ADD3: variants seen among roughly 807,000 people sequenced by gnomAD.
ADD3 encodes the protein adducin 3, also known as gamma-adducin.
A neutral mutation model predicts 80.2 loss-of-function variants in ADD3; 25 were observed. That is an observed-to-expected ratio of 0.31 (90% confidence interval 0.23 to 0.44). The LOEUF is 0.44. ADD3 is among the 20% of genes least tolerant of loss of function. ADD3 has a pLI of 1.00. For synonymous variants in ADD3, 284 were observed against 289.6 expected (o/e 0.98, Z 0.20); for missense variants, 829 against 847.5 (o/e 0.98, Z 0.27).
chr10:110,000,755 G>A (rs574790903), intron 1 of ADD3, among the ~76,000 whole-genome samples: 13 of 152,202 alleles, frequency 8.5e-5, no homozygotes, highest in African/African-American at 3.1e-4. Context: ...TTGATATCCT[G>A]GGCAAGTTAC....
At chr10:110,124,669 A>G (rs1249284400) in intron 10 of ADD3, among the ~76,000 whole-genome samples, 4 of 152,196 alleles carry the variant, frequency 2.6e-5, no homozygotes, top group African/African-American at 9.7e-5. Context: ...TTAAAACTGT[A>G]AAAGTTATCA....
At chr10:109,997,597 A>G (rs1365505694) in intron 1 of ADD3, 2 of 152,350 alleles carry the variant, frequency 1.3e-5, no homozygotes, top group Middle Eastern at 3.4e-3. Flanking sequence ...ACGAGACAGA[A>G]GGGACTCTAG....
chr10:110,024,769 AACTT>A (rs1336541067), intron 1 of ADD3, among the ~76,000 whole-genome samples: 9 of 152,326 alleles, frequency 5.9e-5, no homozygotes, highest in East Asian at 1.9e-4. Context: ...TTCAAAGTTA[AACTT>A]ACTATTTGAA....
chr10:110,008,847 C>G (rs151047616), intron 1 of ADD3, among the ~76,000 whole-genome samples: 2 of 152,154 alleles, frequency 1.3e-5, no homozygotes, highest in South Asian at 2.1e-4. Flanking sequence ...TCCCCACCCC[C>G]CAACACAGAC....
intron 1 of ADD3, among the ~76,000 whole-genome samples, chr10:110,092,817 A>G (rs547761437): frequency 6.6e-6 from 1 of 151,868 alleles, no homozygotes; most frequent in African/African-American, 2.4e-5. Flanking sequence ...TCTTATCTAT[A>G]AAGTTGGGGA....
At chr10:110,083,414 G>A (rs1356573568) in intron 1 of ADD3, among the ~76,000 whole-genome samples, 3 of 152,100 alleles carry the variant, frequency 2.0e-5, no homozygotes, top group African/African-American at 7.2e-5. Flanking sequence ...TACTCGGGAG[G>A]CTGAGGCAGG....
chr10:110,013,709 T>A (rs1057282674), intron 1 of ADD3, among the ~76,000 whole-genome samples: 6 of 152,226 alleles, frequency 3.9e-5, no homozygotes, highest in Admixed American at 3.9e-4. Flanking sequence ...AATTTATTCT[T>A]GTGATTTCTT....
intron 1 of ADD3, among the ~76,000 whole-genome samples, chr10:110,093,509 A>G (rs370004759): frequency 1.4e-4 from 22 of 152,212 alleles, no homozygotes; most frequent in African/African-American, 5.3e-4. Flanking sequence ...TTTTGTTAAT[A>G]GCTTCTAATT....
chr10:110,095,447 T>C (rs1323022406), intron 1 of ADD3, among the ~76,000 whole-genome samples: 1 of 152,252 alleles, frequency 6.6e-6, no homozygotes, highest in Non-Finnish European at 1.5e-5. Flanking sequence ...AAACATTTCA[T>C]ATAAATGGAG....
At chr10:110,120,187 TA>T (rs1413531489) in intron 8 of ADD3, among the ~76,000 whole-genome samples, 2 of 149,576 alleles carry the variant, frequency 1.3e-5, no homozygotes, top group East Asian at 4.0e-4. Flanking sequence ...ACTCGTCATC[TA>T]GCATTAGGTA....
At chr10:110,086,741 T>C (rs1478932479) in intron 1 of ADD3, among the ~76,000 whole-genome samples, 1 of 152,210 alleles carries the variant, frequency 6.6e-6, no homozygotes, top group Non-Finnish European at 1.5e-5. Flanking sequence ...GCTTCCTGTA[T>C]AGCCTGTGGA....
intron 1 of ADD3, among the ~76,000 whole-genome samples, chr10:110,096,338 C>T (rs773398303): frequency 3.9e-5 from 6 of 152,078 alleles, no homozygotes; most frequent in Non-Finnish European, 8.8e-5. Context: ...TCCTCACTGC[C>T]TTGTCAGCCT....
At chr10:110,028,717 A>T (rs1202180724) in intron 1 of ADD3, among the ~76,000 whole-genome samples, 1 of 152,176 alleles carries the variant, frequency 6.6e-6, no homozygotes, top group African/African-American at 2.4e-5. Flanking sequence ...AATCATTCAT[A>T]CTCTGCATTG....
chr10:110,049,507 C>T (rs185109369), intron 1 of ADD3, among the ~76,000 whole-genome samples: 1 of 152,322 alleles, frequency 6.6e-6, no homozygotes, highest in Non-Finnish European at 1.5e-5. Context: ...GGCGGAGCTG[C>T]TCAAGATCAT....
chr10:110,102,327 C>G (rs539811147), intron 2 of ADD3, among the ~76,000 whole-genome samples: 1 of 152,072 alleles, frequency 6.6e-6, no homozygotes, highest in Non-Finnish European at 1.5e-5. Context: ...CTTACTAGAT[C>G]GGAAATGGTG....
intron 1 of ADD3, among the ~76,000 whole-genome samples, chr10:110,011,878 A>G (rs1212628820): frequency 2.0e-5 from 3 of 152,222 alleles, no homozygotes; most frequent in Non-Finnish European, 4.4e-5. Flanking sequence ...AGGTTCTGCC[A>G]GAGATTCAGT....
chr10:110,105,209 T>C (rs1345264375), intron 2 of ADD3, among the ~76,000 whole-genome samples: 1 of 152,178 alleles, frequency 6.6e-6, no homozygotes, highest in Non-Finnish European at 1.5e-5. Flanking sequence ...ATATTTATCT[T>C]AGAAATCAAA....
intron 6 of ADD3, among the ~76,000 whole-genome samples, chr10:110,119,005 C>T (rs1851127871): frequency 6.6e-6 from 1 of 152,108 alleles, no homozygotes; most frequent in Admixed American, 6.5e-5. Flanking sequence ...TTTGACACAG[C>T]ATATAAGTTG....
chr10:109,999,754 TA>T (rs1056589391), intron 1 of ADD3, among the ~76,000 whole-genome samples: 1 of 152,174 alleles, frequency 6.6e-6, no homozygotes, highest in Admixed American at 6.5e-5. Flanking sequence ...TAATAATTAT[TA>T]AAATAAAAAT....
Sources: gnomAD v4.1 joint callset for allele counts (sites outside exome capture counted in the v4.1 genomes callset) on GRCh38, gnomAD v4.1.1 for gene constraint, MANE v1.5 for transcripts, NCBI Gene and HGNC (gene_info 2026-07-23, HGNC 2026-07-21) for gene names.